Variants in KCNQ4 observed in about 807,000 individuals in gnomAD.
The protein encoded by KCNQ4 is potassium voltage-gated channel subfamily Q member 4.
In KCNQ4, 31 loss-of-function variants were observed where a neutral mutation model predicts 72.6. The ratio of observed to expected loss-of-function variants is 0.43; its 90% CI spans 0.32 to 0.58. The LOEUF (loss-of-function observed/expected upper bound fraction) is 0.58. KCNQ4 is among the 20% of genes least tolerant of loss of function. The probability of loss-of-function intolerance (pLI) is 0.08; values close to 1 mark genes in which losing one functional copy is unlikely to be tolerated. For synonymous variants in KCNQ4, 405 were observed against 403.7 expected (o/e 1.00, Z -0.04); for missense variants, 869 against 962.6 (o/e 0.90, Z 1.29).
rs76734538 is a variant in KCNQ4, at chr1:40,811,099, C to T, written c.315-6166C>T. On this transcript the variant is annotated intron_variant, in intron 1 of 13. Transcript: ENST00000347132. Reference sequence around the variant, plus strand: ...TCTCCTTATCAGGGTGATGATGGTACGGTTCCATGGGGTCACTGTGAGAAC... The same window carrying T: ...TCTCCTTATCAGGGTGATGATGGTATGGTTCCATGGGGTCACTGTGAGAAC... 4.3e-4 allele frequency among the ~76,000 whole-genome samples: 66 copies of T among 152,264 alleles called. No individual in the cohort carries two copies. In the East Asian group the frequency reaches 5.2e-3, roughly 12 times the overall value.
intron 1 of KCNQ4, among the ~76,000 whole-genome samples, chr1:40,785,975 G>A (rs890010786): frequency 5.3e-5 from 8 of 152,282 alleles, no homozygotes; most frequent in East Asian, 1.9e-4. Flanking sequence ...GTCAAGCTTC[G>A]GTTCAGGGTC....
intron 9 of KCNQ4, among the ~76,000 whole-genome samples, chr1:40,828,710 G>A (rs984153029): frequency 2.7e-4 from 41 of 152,182 alleles, no homozygotes; most frequent in African/African-American, 8.9e-4. Context: ...GACCCTGCAC[G>A]TTCTGGGAGC....
At chr1:40,827,930 C>T (rs960024346) in intron 9 of KCNQ4, among the ~76,000 whole-genome samples, 8 of 152,296 alleles carry the variant, frequency 5.3e-5, no homozygotes, top group Middle Eastern at 6.8e-3. Flanking sequence ...AGCTTAGAAA[C>T]CATGGCTGTG....
intron 4 of KCNQ4, 41 bp downstream of exon 4, chr1:40,818,721 CTG>C (rs1168036794): frequency 6.4e-7 from 1 of 1,555,918 alleles, no homozygotes; most frequent in Admixed American, 1.9e-5. Context: ...GAGGGCGTGT[CTG>C]GGGCACGACC....
intron 1 of KCNQ4, among the ~76,000 whole-genome samples, chr1:40,796,203 G>A (rs940761143): frequency 6.6e-6 from 1 of 152,106 alleles, no homozygotes; most frequent in Non-Finnish European, 1.5e-5. Flanking sequence ...CAGGGGCACC[G>A]GGTTGGGGTC....
rs143369400 is a variant in KCNQ4, at chr1:40,793,917, G to C, written c.314+9510G>C. Reference sequence around the variant, plus strand: ...CCCAGAGTTCTGTTCACCCAGCCCTGTGCGTTTTTTGCTTTTCTGCATGGG... The same window carrying C: ...CCCAGAGTTCTGTTCACCCAGCCCTCTGCGTTTTTTGCTTTTCTGCATGGG... On this transcript the variant is annotated intron_variant, in intron 1 of 13. Coordinates refer to ENST00000347132, the MANE Select transcript of KCNQ4 (RefSeq NM_004700.4). Among the ~76,000 whole-genome samples, 82 of 152,298 alleles carry C rather than the reference G, an allele frequency of 5.4e-4. No homozygotes were observed. The East Asian group carries it at 0.014, about 26-fold the overall frequency.
intron 12 of KCNQ4, among the ~76,000 whole-genome samples, chr1:40,837,022 C>A (rs1648821224): frequency 6.6e-6 from 1 of 151,960 alleles, no homozygotes; most frequent in Non-Finnish European, 1.5e-5. Flanking sequence ...AGTCACATTC[C>A]CACGTGTCTC....
chr1:40,830,898 G>A (rs746150166), intron 9 of KCNQ4, among the ~76,000 whole-genome samples, 186 bp from the exon 10 acceptor site: 8 of 152,072 alleles, frequency 5.3e-5, no homozygotes, highest in African/African-American at 1.7e-4. Flanking sequence ...GACTGACCCC[G>A]AATCAGCCTC....
chr1:40,805,844 AT>A (rs920112059), intron 1 of KCNQ4, among the ~76,000 whole-genome samples: 224 of 146,106 alleles, frequency 1.5e-3, no homozygotes, highest in Middle Eastern at 7.1e-3. Flanking sequence ...TTCACATGAA[AT>A]TTTTTTTTTT....
Position 40,818,191 on chromosome 1 carries a change from T to C in KCNQ4, c.433T>C (p.Leu145=). 1 of 1,614,078 alleles carries C rather than the reference T, an allele frequency of 6.2e-7. No individual in the cohort carries two copies. The highest frequency in any genetic ancestry group is 1.6e-4 in the Middle Eastern group (1 of 6,062). ...ATTCGTGATGATCGTGGTTTTCGGC[T>C]TGGAGTACATCGTCCGGGTCTGGTC... is the stretch of plus-strand genomic sequence containing the variant. ...LEFVMIVVFG[L]EYIVRVWSAG... is the part of the protein sequence containing the mutation. The change falls in exon 3 of 14, where the codon TTG becomes CTG. Residue 145 remains leucine (L), a synonymous_variant. Transcript: ENST00000347132.
At position 40,817,447 on chromosome 1, in the gene KCNQ4, C is replaced by T; in HGVS notation, c.405+92C>T. The T allele has an allele frequency of 1.1e-6, 1 of 900,622 alleles. No homozygotes were observed. The highest frequency in any genetic ancestry group is 1.6e-5 in the South Asian group (1 of 61,720). The allele number at this position is 900,622 out of a possible 1,614,324, so 55.8% of individuals were successfully genotyped here. A position where few individuals can be genotyped will look rare whatever the true frequency, so the allele number is the denominator to read the frequency against. On this transcript the variant is annotated intron_variant, in intron 2 of 13. Coordinates refer to ENST00000347132, the MANE Select transcript of KCNQ4 (RefSeq NM_004700.4). This position sits in a 1 kb window ranked among gnomAD's most constrained non-coding sequence, Gnocchi z 5.5. Reference sequence around the variant, plus strand: ...GACTGAGGGGGGCTGTGTGAGGTAGCACCTCTGGGCTGGGAGTCCGGGACT... The same window carrying T: ...GACTGAGGGGGGCTGTGTGAGGTAGTACCTCTGGGCTGGGAGTCCGGGACT...
At chr1:40,815,889 T>C (rs1283442956) in intron 1 of KCNQ4, among the ~76,000 whole-genome samples, 1 of 152,114 alleles carries the variant, frequency 6.6e-6, no homozygotes, top group Non-Finnish European at 1.5e-5. Context: ...CTCAGGTCTC[T>C]CTGACCCCGA....
intron 1 of KCNQ4, among the ~76,000 whole-genome samples, chr1:40,810,401 C>T (rs11208958): frequency 0.21 from 32,304 of 152,154 alleles, 3,820 homozygotes; most frequent in East Asian, 0.5. Context: ...TCGTCCATCC[C>T]GTCACCACTG....
chr1:40,838,232 G>A lies in KCNQ4; in HGVS notation c.1876-79G>A, dbSNP rs12740352. On this transcript the variant is annotated intron_variant, in intron 13 of 13. Coordinates refer to ENST00000347132, the MANE Select transcript of KCNQ4 (RefSeq NM_004700.4). The stretch of plus-strand genomic sequence containing the variant: ...CCGCCCACTCCACCGGCTAGGGTCC[G>A]CCCCGAGACCCAAGCCCCGCCCCCG... 0.12 allele frequency: 146,983 copies of A among 1,232,874 alleles called. 9,843 individuals are homozygous for A. The highest frequency in any genetic ancestry group is 0.23 in the Admixed American group (13,375 of 56,984). 76.4% of individuals were successfully genotyped at this position (1,232,874 alleles called of 1,614,324 possible).
At chr1:40,823,142 G>GAGA (rs1166756718) in intron 8 of KCNQ4, among the ~76,000 whole-genome samples, 2 of 152,208 alleles carry the variant, frequency 1.3e-5, no homozygotes, top group Admixed American at 6.5e-5. Flanking sequence ...AGTTCTCCAG[G>GAGA]AGAAGCTGTT....
At chr1:40,800,625 C>T (rs1400653588) in intron 1 of KCNQ4, among the ~76,000 whole-genome samples, 3 of 152,150 alleles carry the variant, frequency 2.0e-5, no homozygotes, top group Non-Finnish European at 2.9e-5. Context: ...AAGTCCCACT[C>T]GCTGAAACTC....
At chr1:40,825,324 C>T (rs569659731) in intron 9 of KCNQ4, among the ~76,000 whole-genome samples, 10 of 152,286 alleles carry the variant, frequency 6.6e-5, no homozygotes, top group South Asian at 4.1e-4. Context: ...GGTGGAAGCT[C>T]GCCTCTGCCA....
chr1:40,809,957 C>T (rs112589924), intron 1 of KCNQ4, among the ~76,000 whole-genome samples: 13,445 of 151,848 alleles, frequency 0.089, 777 homozygotes, highest in Non-Finnish European at 0.12. Flanking sequence ...CCCAGCTACT[C>T]GGGAGGCTGA....
chr1:40,828,541 A>G (rs575146365), intron 9 of KCNQ4, among the ~76,000 whole-genome samples: 1 of 152,348 alleles, frequency 6.6e-6, no homozygotes, highest in East Asian at 1.9e-4. Context: ...CTCTGAAGTC[A>G]GAGAAGGCTG....
Sources: allele counts gnomAD v4.1 joint callset (sites outside exome capture counted in the v4.1 genomes callset), GRCh38; gene constraint gnomAD v4.1.1; non-coding constraint Gnocchi (gnomAD v3.1); transcripts MANE v1.5; gene names NCBI Gene and HGNC (gene_info 2026-07-23, HGNC 2026-07-21).